The following IFT140 variants were observed in gnomAD, a reference collection of about 807,000 sequenced individuals.
IFT140 encodes the protein intraflagellar transport protein 140 homolog.
Under a neutral mutation model 164.6 loss-of-function variants are expected in IFT140, and 133 were observed. That is an observed-to-expected ratio of 0.81 (90% confidence interval 0.70 to 0.93). The LOEUF is 0.93. IFT140 is among the 40% of genes least tolerant of loss of function. IFT140 has a pLI of 0.00. For missense variants in IFT140, 2,045 were observed against 1,972.3 expected (o/e 1.04, Z -0.70); for synonymous variants, 860 against 817.3 (o/e 1.05, Z -0.89).
chr16:1,541,323 C>T, intron 19 of IFT140: 1 of 985,228 alleles, frequency 1.0e-6, no homozygotes, highest in Non-Finnish European at 1.2e-6. Context: ...CATGTCTGAC[C>T]CCTGCTCAGC....
At chr16:1,543,397 AGGCC>A (rs2031840683) in intron 19 of IFT140, among the ~76,000 whole-genome samples, 1 of 152,178 alleles carries the variant, frequency 6.6e-6, no homozygotes, top group Admixed American at 6.5e-5. Context: ...TGAGCGAGTC[AGGCC>A]GGGCTCTCTG....
intron 26 of IFT140, among the ~76,000 whole-genome samples, chr16:1,521,144 G>C (rs925502175): frequency 2.0e-5 from 3 of 152,194 alleles, no homozygotes; most frequent in African/African-American, 4.8e-5. Flanking sequence ...TTTTGAGACA[G>C]GGTCTCACTC....
rs747797546 is a variant in IFT140 at position 1,525,307 on chromosome 16, G to A, written c.2788C>T (p.His930Tyr). 7.4e-6 allele frequency: 12 copies of A among 1,612,282 alleles called. No individual in the cohort carries two copies. Among genetic ancestry groups the A allele is most frequent in the South Asian group, 5.5e-5 (5 of 91,070 alleles). The change falls in exon 22 of 31, where the codon CAC (histidine) becomes TAC (tyrosine). Residue 930 changes from histidine (H) to tyrosine (Y), a missense_variant. Coordinates refer to ENST00000426508, the MANE Select transcript of IFT140 (RefSeq NM_014714.4). The part of the protein sequence containing the change: ...ALSYYEKSDT[H>Y]RFEVPRMLSE... Reference sequence around the variant, plus strand: ...AGCATCCTGGGCACCTCGAAGCGGTGCGTGTCCGACTTCTCGTAGCTGTGA... The same window carrying A: ...AGCATCCTGGGCACCTCGAAGCGGTACGTGTCCGACTTCTCGTAGCTGTGA...
In IFT140 at chr16:1,568,201, C is replaced by A. The variant is rs563911349; in HGVS notation, c.1770+16G>T. The A allele has an allele frequency of 4.5e-6, 7 of 1,565,188 alleles. No homozygotes were observed. The East Asian group carries it at 1.4e-4, about 31-fold the overall frequency. ...TGAGGAGGCGGAGTGGGCGAGTGGA[C>A]GAGGGGTGGCCTCACCTTGCTGGGG... On this transcript the variant is annotated intron_variant, in intron 15 of 30. Coordinates refer to ENST00000426508, the MANE Select transcript of IFT140 (RefSeq NM_014714.4).
At chr16:1,535,752 C>T (rs931583678) in intron 19 of IFT140, among the ~76,000 whole-genome samples, 1 of 152,236 alleles carries the variant, frequency 6.6e-6, no homozygotes, top group African/African-American at 2.4e-5. Flanking sequence ...CACTCAAAGG[C>T]CCTCGGCTGC....
chr16:1,610,864 G>A lies in IFT140; in HGVS notation c.-221-11C>T, dbSNP rs2036297963. The A allele has an allele frequency of 1.3e-5, 2 of 153,234 alleles. No homozygotes were observed. The highest frequency in any genetic ancestry group is 4.8e-5 in the African/African-American group (2 of 41,498). The allele number at this position is 153,234 out of a possible 1,614,324, so 9.5% of individuals were successfully genotyped here. A position where few individuals can be genotyped will look rare whatever the true frequency, so the allele number is the denominator to read the frequency against. On this transcript the variant is annotated splice_polypyrimidine_tract_variant and intron_variant, in intron 1 of 30. Transcript: ENST00000426508. Reference sequence around the variant, plus strand: ...CCAGGTTATTCCGCTCTGCAAGAGAGAAGCGGGACGAGCTTTTTCTAGGAG... The same window carrying A: ...CCAGGTTATTCCGCTCTGCAAGAGAAAAGCGGGACGAGCTTTTTCTAGGAG...
Position 1,553,099 on chromosome 16 carries a change from T to C in IFT140, c.2399+4836A>G. 1 of 985,456 alleles carries C rather than the reference T, an allele frequency of 1.0e-6. No individual in the cohort carries two copies. Among genetic ancestry groups the C allele is most frequent in the Non-Finnish European group, 1.2e-6 (1 of 829,938 alleles). The allele number at this position is 985,456 out of a possible 1,614,324, so 61.0% of individuals were successfully genotyped here. ...AGATAGATAAATGCTTAATTCATACTTTCTGGAGGGTACAGTGATGATGAA... is the reference window on the plus strand; with the variant it reads ...AGATAGATAAATGCTTAATTCATACCTTCTGGAGGGTACAGTGATGATGAA... On this transcript the variant is annotated intron_variant, in intron 19 of 30. Transcript: ENST00000426508. This position sits in a 1 kb window ranked among gnomAD's most constrained non-coding sequence, Gnocchi z 4.4.
intron 14 of IFT140, among the ~76,000 whole-genome samples, chr16:1,570,661 T>TC (rs1043877773): frequency 1.3e-5 from 2 of 152,176 alleles, no homozygotes; most frequent in Non-Finnish European, 2.9e-5. Context: ...GTCAGCACTT[T>TC]CCCCCCACAC....
intron 20 of IFT140, 21 bp from the exon 21 acceptor site, chr16:1,526,098 G>A: frequency 1.3e-6 from 2 of 1,562,034 alleles, no homozygotes; most frequent in Non-Finnish European, 1.7e-6. Flanking sequence ...AGGATGGGCA[G>A]GTGTCGTGCA....
At chr16:1,559,217 A>G (rs2033274461) in intron 18 of IFT140, among the ~76,000 whole-genome samples, 1 of 152,220 alleles carries the variant, frequency 6.6e-6, no homozygotes, top group Non-Finnish European at 1.5e-5. Flanking sequence ...CACAAAAACA[A>G]CAGGGAATTC....
intron 4 of IFT140, among the ~76,000 whole-genome samples, chr16:1,598,055 G>T (rs1596451619): frequency 6.6e-6 from 1 of 152,102 alleles, no homozygotes; most frequent in South Asian, 2.1e-4. Context: ...AGAAATCTGG[G>T]GACAGGCCAA....
chr16:1,588,056 G>T, intron 7 of IFT140, 32 bp from the exon 8 acceptor site: 1 of 1,597,674 alleles, frequency 6.3e-7, no homozygotes, highest in Non-Finnish European at 8.6e-7. Context: ...CAGAGGCACC[G>T]TGCTTGCTGA....
At chr16:1,578,354 T>G (rs1333406245) in intron 13 of IFT140, 1 of 152,048 alleles carries the variant, frequency 6.6e-6, no homozygotes, top group Non-Finnish European at 1.5e-5. Flanking sequence ...AAGAAGGAAC[T>G]TGGAGATGGA....
intron 30 of IFT140, among the ~76,000 whole-genome samples, chr16:1,517,089 G>A (rs573989915): frequency 1.2e-3 from 186 of 152,210 alleles, no homozygotes; most frequent in African/African-American, 4.0e-3. Flanking sequence ...AGGGAACTTC[G>A]GCCAGGCGCG....
intron 14 of IFT140, among the ~76,000 whole-genome samples, chr16:1,568,767 G>GA (rs1173485621): frequency 1.3e-5 from 2 of 151,164 alleles, no homozygotes; most frequent in African/African-American, 2.4e-5. Flanking sequence ...AACAAAAAAC[G>GA]AAAAAAAACA....
intron 9 of IFT140, 149 bp downstream of exon 9, chr16:1,587,049 C>T (rs1300553526): frequency 3.1e-6 from 2 of 634,928 alleles, no homozygotes; most frequent in East Asian, 2.7e-5. Context: ...CCGTTGCTTG[C>T]TTGCCCTTGC....
Position 1,544,345 on chromosome 16 carries a change from G to A in IFT140, c.2399+13590C>T, listed in dbSNP as rs1227958108. ...ACTACAGGCGCCCGCCACCATGCCC[G>A]GCTAATTTTTTTTGTATTTTTAGTA... On this transcript the variant is annotated intron_variant, in intron 19 of 30. Coordinates refer to ENST00000426508, the MANE Select transcript of IFT140 (RefSeq NM_014714.4). Among the ~76,000 whole-genome samples the A allele has an allele frequency of 2.6e-5, 4 of 151,310 alleles. No homozygotes were observed. In the South Asian group the frequency reaches 6.2e-4, roughly 24 times the overall value.
At chr16:1,515,634 A>T (rs2040314277) in intron 30 of IFT140, among the ~76,000 whole-genome samples, 1 of 152,076 alleles carries the variant, frequency 6.6e-6, no homozygotes. Flanking sequence ...TGGCCTCAAG[A>T]AATCCTCCCA....
chr16:1,570,658 C>T (rs2033966944), intron 14 of IFT140, among the ~76,000 whole-genome samples: 3 of 152,220 alleles, frequency 2.0e-5, no homozygotes, highest in African/African-American at 7.2e-5. Context: ...TAGGTCAGCA[C>T]TTTCCCCCCA....
Sources: gnomAD v4.1 joint callset for allele counts (sites outside exome capture counted in the v4.1 genomes callset) on GRCh38, gnomAD v4.1.1 for gene constraint, Gnocchi (gnomAD v3.1) non-coding constraint, MANE v1.5 for transcripts, NCBI Gene and HGNC (gene_info 2026-07-23, HGNC 2026-07-21) for gene names.